The following MAP4 variants were observed in gnomAD, a reference collection of about 807,000 sequenced individuals.
The protein encoded by MAP4 is microtubule-associated protein 4.
In MAP4, 76 loss-of-function variants were observed where a neutral mutation model predicts 170.2. The observed-to-expected ratio is 0.45, with a 90% CI of 0.37 to 0.54. MAP4 has a LOEUF of 0.54. Among genes scored for constraint, MAP4 ranks in the 20% least tolerant of loss-of-function variants. The pLI is 0.00. For synonymous variants in MAP4, 909 were observed against 994.5 expected (o/e 0.91, Z 1.62); for missense variants, 2,506 against 2,748.0 (o/e 0.91, Z 1.97).
chr3:48,074,676 T>TTTTGTGTGTGTGTGTGTGTGTGTG (rs746281743), intron 1 of MAP4, among the ~76,000 whole-genome samples: 1,334 of 90,612 alleles, frequency 0.015, 206 homozygotes, highest in Middle Eastern at 0.03. Context: ...ATCCAGCTAA[T>TTTTGTGTGTGTGTGTGTGTGTGTG]TGTGTGTGTG....
At chr3:47,899,512 A>C (rs535713514) in intron 10 of MAP4, among the ~76,000 whole-genome samples, 1 of 152,232 alleles carries the variant, frequency 6.6e-6, no homozygotes, top group South Asian at 2.1e-4. Flanking sequence ...AGTTCTTTAT[A>C]TTATCATAAT....
intron 1 of MAP4, among the ~76,000 whole-genome samples, chr3:48,013,814 A>G (rs1009475854): frequency 2.6e-5 from 4 of 151,802 alleles, no homozygotes; most frequent in Non-Finnish European, 4.4e-5. Context: ...AAGAAACTCC[A>G]CCCAGTTCTG....
At chr3:47,906,076 C>T (rs1218530867) in intron 9 of MAP4, among the ~76,000 whole-genome samples, 1 of 141,256 alleles carries the variant, frequency 7.1e-6, no homozygotes, top group Non-Finnish European at 1.5e-5. Context: ...TAGATCAGTA[C>T]ACATAACCAA....
intron 10 of MAP4, among the ~76,000 whole-genome samples, chr3:47,886,939 G>A (rs1010875149): frequency 6.6e-6 from 1 of 152,224 alleles, no homozygotes; most frequent in South Asian, 2.1e-4. Flanking sequence ...CACACTTACT[G>A]AGAACAAGTA....
intron 3 of MAP4, among the ~76,000 whole-genome samples, chr3:47,959,758 C>CAAA (rs1328400083): frequency 9.0e-5 from 6 of 66,500 alleles, no homozygotes; most frequent in African/African-American, 2.4e-4. Context: ...GACTCCATCT[C>CAAA]AAAAAAAAAA....
intron 10 of MAP4, among the ~76,000 whole-genome samples, chr3:47,887,062 G>A (rs931546526): frequency 6.6e-6 from 1 of 152,234 alleles, no homozygotes; most frequent in Non-Finnish European, 1.5e-5. Flanking sequence ...CAGAGCCCTC[G>A]CTTGCTCTCG....
intron 1 of MAP4, among the ~76,000 whole-genome samples, chr3:48,073,930 C>A (rs2100142321): frequency 6.6e-6 from 1 of 152,076 alleles, no homozygotes; most frequent in Non-Finnish European, 1.5e-5. Context: ...CTAGAAATAC[C>A]ATTTGACCCA....
chr3:48,014,536 G>A (rs1490111482), intron 1 of MAP4, among the ~76,000 whole-genome samples: 1 of 152,158 alleles, frequency 6.6e-6, no homozygotes, highest in Non-Finnish European at 1.5e-5. Context: ...GCACATGCCT[G>A]TAGTCCCTGC....
chr3:48,025,174 G>A (rs991962668), intron 1 of MAP4, among the ~76,000 whole-genome samples: 15 of 151,902 alleles, frequency 9.9e-5, no homozygotes, highest in Non-Finnish European at 2.9e-5. Flanking sequence ...TAAGATTGTG[G>A]ATATCTGAAC....
chr3:48,066,400 C>T (rs1413832072), intron 1 of MAP4, among the ~76,000 whole-genome samples: 1 of 152,134 alleles, frequency 6.6e-6, no homozygotes, highest in South Asian at 2.1e-4. Context: ...AAATCTAATG[C>T]CTATTCCACT....
At chr3:47,979,427 C>CTTG (rs2100084154) in intron 2 of MAP4, among the ~76,000 whole-genome samples, 1 of 152,060 alleles carries the variant, frequency 6.6e-6, no homozygotes, top group Non-Finnish European at 1.5e-5. Context: ...TCCATTTTGC[C>CTTG]AATACCATCC....
chr3:48,076,456 C>T (rs1201886658), intron 1 of MAP4, among the ~76,000 whole-genome samples: 3 of 150,798 alleles, frequency 2.0e-5, no homozygotes, highest in East Asian at 3.9e-4. Flanking sequence ...GAGCAGAGAT[C>T]GCACCACTGC....
At chr3:47,949,231 T>C (rs900274092) in intron 3 of MAP4, among the ~76,000 whole-genome samples, 2 of 151,950 alleles carry the variant, frequency 1.3e-5, no homozygotes, top group South Asian at 2.1e-4. Flanking sequence ...TTTGGGAGCC[T>C]GAGGCGGGCA....
At position 48,076,179 on chromosome 3, in the gene MAP4, G is replaced by A. The variant is rs544312050; in HGVS notation, c.-20+12594C>T. Among the ~76,000 whole-genome samples the A allele has an allele frequency of 5.3e-5, 8 of 151,602 alleles. No homozygotes were observed. The East Asian group carries it at 5.9e-4, about 11-fold the overall frequency. ...GCGGATCACTTGAGCCCAGGAGTTC[G>A]AGATCAGCCTGGACAACATAGTAAG... On this transcript the variant is annotated intron_variant, in intron 1 of 18. Coordinates refer to the MAP4 transcript ENST00000360240.
At chr3:48,031,459 G>A (rs1463679574) in intron 1 of MAP4, among the ~76,000 whole-genome samples, 1 of 152,186 alleles carries the variant, frequency 6.6e-6, no homozygotes, top group East Asian at 1.9e-4. Flanking sequence ...GCCGAGGCAG[G>A]AGAATCACTT....
intron 1 of MAP4, chr3:48,039,501 A>G (rs2100120539): frequency 6.5e-6 from 1 of 152,702 alleles, no homozygotes; most frequent in Non-Finnish European, 1.5e-5. Flanking sequence ...ACCCTGAATC[A>G]AGATGAGTGG....
chr3:47,909,572 A>G lies in MAP4; in HGVS notation c.4849T>C (p.Ser1617Pro), dbSNP rs746264106. The G allele has an allele frequency of 2.5e-6, 4 of 1,612,452 alleles. No homozygotes were observed. The highest frequency in any genetic ancestry group is 1.7e-5 in the Admixed American group (1 of 59,982). The change falls in exon 9 of 21, where the codon TCT (serine) becomes CCT (proline). Residue 1617 changes from serine (S) to proline (P), a missense_variant. Ser to Pro is a moderately conservative substitution (Grantham distance 74). Coordinates refer to ENST00000683076, the MANE Select transcript of MAP4 (RefSeq NM_001385682.1). ...VNEEKETKEG[S>P]VAVQIPDLLE... is the part of the protein sequence containing the mutation. ...AAGTCAGGAATCTGAACTGCAACAG[A>G]CCCTTCTTTAGTCTCTTTCTCTTCA...
intron 10 of MAP4, among the ~76,000 whole-genome samples, chr3:47,886,358 T>G (rs2097588169): frequency 1.3e-5 from 2 of 152,190 alleles, no homozygotes; most frequent in African/African-American, 4.8e-5. Flanking sequence ...TGGAGCACAG[T>G]GGCATGATCT....
chr3:47,916,693 TTTC>T lies in MAP4; in HGVS notation c.1131_1133del (p.Lys378del), dbSNP rs1252550400. On this transcript the variant is annotated inframe_deletion, in exon 7 of 21. Transcript: ENST00000683076. ...TTATAGGAGATGCCCTCTCTGTTTC[TTTC>T]TTGTTTTCTTTGGGTGGTCCCATGT... 1.9e-6 allele frequency: 3 copies of T among 1,614,184 alleles called. No individual in the cohort carries two copies. The Admixed American group carries it at 5.0e-5, about 27-fold the overall frequency.
Sources: gnomAD v4.1 joint callset for allele counts (sites outside exome capture counted in the v4.1 genomes callset) on GRCh38, gnomAD v4.1.1 for gene constraint, MANE v1.5 for transcripts, NCBI Gene and HGNC (gene_info 2026-07-23, HGNC 2026-07-21) for gene names.